The following KLHL36 variants were observed in gnomAD, a reference collection of about 807,000 sequenced individuals.
KLHL36 encodes the protein kelch like family member 36.
KLHL36 carries 35 observed loss-of-function variants against 53.3 expected under a neutral mutation model. The observed-to-expected ratio is 0.66, with a 90% CI of 0.50 to 0.87. The LOEUF is 0.87. Among genes scored for constraint, KLHL36 ranks in the 40% least tolerant of loss-of-function variants. The probability of loss-of-function intolerance (pLI) is 0.00; values close to 1 mark genes in which losing one functional copy is unlikely to be tolerated. For missense variants in KLHL36, 864 were observed against 897.6 expected, an observed-to-expected ratio of 0.96 and a Z score of 0.48; for synonymous variants, 472 against 398.9, an observed-to-expected ratio of 1.18 and a Z score of -2.18.
chr16:84,656,161 T>C (rs112994653), intron 2 of KLHL36, among the ~76,000 whole-genome samples: 30 of 152,280 alleles, frequency 2.0e-4, no homozygotes, highest in African/African-American at 6.7e-4. Context: ...TCACAAAGCA[T>C]TGAGATTACA....
intron 2 of KLHL36, 87 bp downstream of exon 2, chr16:84,651,017 A>AT (rs1440755819): frequency 1.2e-5 from 14 of 1,158,380 alleles, no homozygotes; most frequent in Non-Finnish European, 1.6e-5. Context: ...TCACAGACTG[A>AT]TTTTTTTGTC....
intron 2 of KLHL36, among the ~76,000 whole-genome samples, chr16:84,654,064 C>T (rs1019674371): frequency 3.3e-5 from 5 of 152,174 alleles, no homozygotes; most frequent in Non-Finnish European, 4.4e-5. Context: ...TTCACTGGGG[C>T]TTTCCCCAGT....
chr16:84,651,439 C>G (rs1326420634), intron 2 of KLHL36, among the ~76,000 whole-genome samples: 1 of 152,140 alleles, frequency 6.6e-6, no homozygotes, highest in Non-Finnish European at 1.5e-5. Flanking sequence ...TGGGGGAGTT[C>G]TAATTAGAAA....
Position 84,650,948 on chromosome 16 carries a change from C to T in KLHL36, c.63+18C>T, listed in dbSNP as rs1341645593. The T allele has an allele frequency of 1.3e-6, 2 of 1,591,702 alleles. No individual in the cohort carries two copies. The highest frequency in any genetic ancestry group is 2.3e-5 in the East Asian group (1 of 43,840). On this transcript the variant is annotated intron_variant, in intron 2 of 4. Transcript: ENST00000564996. Reference sequence around the variant, plus strand: ...CATCAAAGGTCTGTGAATGTTCACTCACCACCTATGCAAATTGCCTAAGAA... The same window carrying T: ...CATCAAAGGTCTGTGAATGTTCACTTACCACCTATGCAAATTGCCTAAGAA...
Position 84,656,889 on chromosome 16 carries a change from C to T in KLHL36, c.82C>T (p.His28Tyr), listed in dbSNP as rs1453943754. 2 of 1,609,002 alleles carry T rather than the reference C, an allele frequency of 1.2e-6. No homozygotes were observed. The highest frequency in any genetic ancestry group is 1.7e-6 in the Non-Finnish European group (2 of 1,177,384). Residue 28 changes from histidine (H) to tyrosine (Y), a missense_variant, in exon 3 of 5, where the codon CAC becomes TAC. Physicochemically the swap from His to Tyr is moderately conservative, Grantham distance 83. Coordinates refer to ENST00000564996, the MANE Select transcript of KLHL36 (RefSeq NM_024731.4). The part of the protein sequence containing the change: ...ESSKVYRWAD[H>Y]SSTVLQRLNE... The stretch of plus-strand genomic sequence containing the variant: ...TGTCCAGGTATACCGCTGGGCCGAC[C>T]ACTCAAGCACGGTGCTGCAGCGGCT...
rs73259550 is a variant in KLHL36 at position 84,661,695 on chromosome 16, C to T, written c.1413C>T (p.Asp471=). ...KNLLCYDHRT[D]VWEERRPMTT... Reference sequence around the variant, plus strand: ...TGCTATGCTACGACCACCGGACAGACGTGTGGGAGGAGCGGCGGCCCATGA... The same window carrying T: ...TGCTATGCTACGACCACCGGACAGATGTGTGGGAGGAGCGGCGGCCCATGA... The change falls in exon 5 of 5, where the codon GAC becomes GAT. Residue 471 remains aspartate (D), a synonymous_variant. Transcript: ENST00000564996. The surrounding 1 kb of genome is among the most constrained non-coding windows in gnomAD (Gnocchi z 7.9). The T allele has an allele frequency of 4.1e-3, 6,636 of 1,613,664 alleles. 233 individuals carry two copies. In the African/African-American group the frequency reaches 0.075, roughly 18 times the overall value.
In KLHL36 at chr16:84,656,930, C is replaced by T; in HGVS notation, c.123C>T (p.Leu41=). The stretch of plus-strand genomic sequence containing the variant: ...TGCAGCGGCTGAACGAGCAGCGTCT[C>T]CGCGGGCTCTTCTGCGACGTCGTCC... ...TVLQRLNEQR[L]RGLFCDVVLV... is the part of the protein sequence containing the mutation. The change falls in exon 3 of 5, where the codon CTC becomes CTT. Residue 41 remains leucine, a synonymous_variant. Transcript: ENST00000564996. 2 of 1,613,356 alleles carry T rather than the reference C, an allele frequency of 1.2e-6. No individual in the cohort carries two copies. The highest frequency in any genetic ancestry group is 2.2e-5 in the East Asian group (1 of 44,888).
At chr16:84,652,990 G>A (rs1290156540) in intron 2 of KLHL36, among the ~76,000 whole-genome samples, 1 of 152,146 alleles carries the variant, frequency 6.6e-6, no homozygotes, top group African/African-American at 2.4e-5. Flanking sequence ...GGCCGAGGCG[G>A]GAGGATCTCG....
At position 84,662,072 on chromosome 16, in the gene KLHL36, C is replaced by T. The variant is rs1294307789; in HGVS notation, c.1790C>T (p.Pro597Leu). Residue 597 changes from proline to leucine, a missense_variant, in exon 5 of 5, where the codon CCA becomes CTA. Transcript: ENST00000564996. ...TCCGCCTGTGTCTGCGCCCTGGAGC[C>T]ACGGCCAGAGGACAAGAAGAAGAAA... ...GGSACVCALE[P>L]RPEDKKKKGK... 6.3e-7 allele frequency: 1 copy of T among 1,577,506 alleles called. No homozygotes were observed. Among genetic ancestry groups the T allele is most frequent in the Non-Finnish European group, 8.6e-7 (1 of 1,160,782 alleles).
At chr16:84,658,676 C>G (rs1907365309) in intron 3 of KLHL36, 1 of 152,224 alleles carries the variant, frequency 6.6e-6, no homozygotes, top group African/African-American at 2.4e-5. Context: ...ACTGGCAAGC[C>G]CCTGGCGTAG....
intron 2 of KLHL36, among the ~76,000 whole-genome samples, chr16:84,653,004 G>A (rs934797392): frequency 6.6e-6 from 1 of 151,940 alleles, no homozygotes; most frequent in Non-Finnish European, 1.5e-5. Context: ...GATCTCGTAA[G>A]CTCGGAGTTT....
Position 84,665,185 on chromosome 16 carries a change from T to C in KLHL36, c.*3052T>C, listed in dbSNP as rs1022379865. The C allele has an allele frequency of 5.3e-5, 8 of 151,950 alleles. No homozygotes were observed. Among genetic ancestry groups the C allele is most frequent in the African/African-American group, 1.9e-4 (8 of 41,356 alleles). The allele number at this position is 151,950 out of a possible 1,614,324, so 9.4% of individuals were successfully genotyped here. ...ATTTTGAGAGGGAAACAGCCACACA[T>C]GTCATCATGTTAAACTTTCAGTGTT... is the stretch of plus-strand genomic sequence containing the variant. On this transcript the variant is annotated 3_prime_UTR_variant, in exon 5 of 5. Transcript: ENST00000564996.
Position 84,663,233 on chromosome 16 carries a change from T to C in KLHL36, c.*1100T>C, listed in dbSNP as rs1409761767. 1 of 152,314 alleles carries C rather than the reference T, an allele frequency of 6.6e-6. No individual in the cohort carries two copies. Among genetic ancestry groups the C allele is most frequent in the Non-Finnish European group, 1.5e-5 (1 of 68,106 alleles). 9.4% of individuals were successfully genotyped at this position (152,314 alleles called of 1,614,324 possible). On this transcript the variant is annotated 3_prime_UTR_variant, in exon 5 of 5. Transcript: ENST00000564996. ...GGGCAAATTCTCGAACAAGTCCGTGTGTTCCCTCATCCACCCCGCTTAGCC... is the reference window on the plus strand; with the variant it reads ...GGGCAAATTCTCGAACAAGTCCGTGCGTTCCCTCATCCACCCCGCTTAGCC...
chr16:84,657,394 A>G lies in KLHL36; in HGVS notation c.587A>G (p.Tyr196Cys), dbSNP rs1453563584. 1 of 1,608,716 alleles carries G rather than the reference A, an allele frequency of 6.2e-7. No individual in the cohort carries two copies. Among genetic ancestry groups the G allele is most frequent in the Admixed American group, 1.7e-5 (1 of 60,024 alleles). Reference sequence around the variant, plus strand: ...GTCTCCATGCAGAAGCTGTGTGTCTACCTGAGCAGCAGCGAGGTGCAGCGG... The same window carrying G: ...GTCTCCATGCAGAAGCTGTGTGTCTGCCTGAGCAGCAGCGAGGTGCAGCGG... Reference protein sequence around the residue: ...QNVSMQKLCVYLSSSEVQREC... With the variant: ...QNVSMQKLCVCLSSSEVQREC... Residue 196 changes from tyrosine (Y) to cysteine (C), a missense_variant, in exon 3 of 5, where the codon TAC becomes TGC. Tyr to Cys is a radical substitution (Grantham distance 194, BLOSUM62 -2). Coordinates refer to ENST00000564996, the MANE Select transcript of KLHL36 (RefSeq NM_024731.4).
chr16:84,655,053 G>C (rs983174287), intron 2 of KLHL36, among the ~76,000 whole-genome samples: 3 of 152,120 alleles, frequency 2.0e-5, no homozygotes, highest in Non-Finnish European at 4.4e-5. Context: ...TGGGTAACCA[G>C]GATAAATAGA....
At chr16:84,649,849 G>A (rs547562663) in intron 1 of KLHL36, among the ~76,000 whole-genome samples, 5 of 151,286 alleles carry the variant, frequency 3.3e-5, no homozygotes, top group South Asian at 2.1e-4. Flanking sequence ...CTCAAATAGC[G>A]GGGGAAAAAA....
chr16:84,659,720 G>T, intron 3 of KLHL36, 40 bp from the exon 4 acceptor site: 1 of 1,602,798 alleles, frequency 6.2e-7, no homozygotes, highest in Non-Finnish European at 8.5e-7. Flanking sequence ...TGCTGTCCCG[G>T]GTTCGGGGAA....
chr16:84,650,372 A>T (rs765341973), intron 1 of KLHL36, among the ~76,000 whole-genome samples: 2 of 152,154 alleles, frequency 1.3e-5, no homozygotes, highest in Non-Finnish European at 2.9e-5. Flanking sequence ...AGCTGGACAG[A>T]CCGAGGCGTG....
At chr16:84,660,020 G>T in intron 4 of KLHL36, 103 bp downstream of exon 4, 10 of 1,157,196 alleles carry the variant, frequency 8.6e-6, no homozygotes, top group Non-Finnish European at 1.2e-5. Flanking sequence ...TCCAATTCCA[G>T]GAATGAAATC....
Sources: gnomAD v4.1 joint callset for allele counts (sites outside exome capture counted in the v4.1 genomes callset) on GRCh38, gnomAD v4.1.1 for gene constraint, Gnocchi (gnomAD v3.1) non-coding constraint, MANE v1.5 for transcripts, NCBI Gene and HGNC (gene_info 2026-07-23, HGNC 2026-07-21) for gene names.